SEC14L3: variants seen among roughly 807,000 people sequenced by gnomAD.
The protein encoded by SEC14L3 is SEC14-like protein 3.
Under a neutral mutation model 57.4 loss-of-function variants are expected in SEC14L3, and 56 were observed. The ratio of observed to expected loss-of-function variants is 0.97; its 90% CI spans 0.79 to 1.22. The LOEUF (loss-of-function observed/expected upper bound fraction) is 1.22. SEC14L3 is among the 50% of genes most tolerant of loss of function. The probability of loss-of-function intolerance (pLI) is 0.00; values close to 1 mark genes in which losing one functional copy is unlikely to be tolerated. For missense variants in SEC14L3, 485 were observed against 511.7 expected, an observed-to-expected ratio of 0.95 and a Z score of 0.50; for synonymous variants, 173 against 194.4, an observed-to-expected ratio of 0.89 and a Z score of 0.92.
rs1935369867 is a variant in SEC14L3, at chr22:30,464,865, G to T, written c.619C>A (p.Pro207Thr). The T allele has an allele frequency of 6.2e-7, 1 of 1,613,926 alleles. No homozygotes were observed. The highest frequency in any genetic ancestry group is 1.7e-5 in the Admixed American group (1 of 60,014). Residue 207 changes from proline (P) to threonine (T), a missense_variant, in exon 8 of 12, where the codon CCA (proline) becomes ACA (threonine). Physicochemically the swap from Pro to Thr is conservative, Grantham distance 38. Coordinates refer to ENST00000215812, the MANE Select transcript of SEC14L3 (RefSeq NM_174975.5). The part of the protein sequence containing the change: ...LFPVGYNLMK[P>T]FLSEDTRRKI... Reference sequence around the variant, plus strand: ...CTGCGAGTGTCCTCACTCAGGAATGGCTTCATGAGGTTGTAGCCCACAGGG... The same window carrying T: ...CTGCGAGTGTCCTCACTCAGGAATGTCTTCATGAGGTTGTAGCCCACAGGG...
At chr22:30,458,405 G>A (rs1182514505), downstream of SEC14L3, among the ~76,000 whole-genome samples, 2 of 152,180 alleles carry the variant, frequency 1.3e-5, no homozygotes, top group African/African-American at 4.8e-5. Context: ...AGTATTGTGG[G>A]TCTCTATGGC....
intron 9 of SEC14L3, 37 bp downstream of exon 9, chr22:30,462,049 T>C (rs1935284361): frequency 1.9e-6 from 3 of 1,599,900 alleles, no homozygotes; most frequent in African/African-American, 2.7e-5. Context: ...AGCTTAATTC[T>C]TGAACCTCTC....
chr22:30,449,102 G>T, exon 13 of SEC14L3: 1 of 1,550,596 alleles, frequency 6.4e-7, no homozygotes, highest in Non-Finnish European at 8.7e-7. Flanking sequence ...TACTGGCAGG[G>T]AGGGGTAAAG....
intron 9 of SEC14L3, 113 bp from the exon 10 acceptor site, chr22:30,461,807 A>G: frequency 1.4e-6 from 2 of 1,414,004 alleles, no homozygotes; most frequent in Non-Finnish European, 1.9e-6. Context: ...TCCTAGCCCC[A>G]CTCTCCCACC....
chr22:30,466,971 C>T lies in SEC14L3; in HGVS notation c.519+11G>A. 1 of 1,612,270 alleles carries T rather than the reference C, an allele frequency of 6.2e-7. No individual in the cohort carries two copies. The highest frequency in any genetic ancestry group is 1.3e-5 in the African/African-American group (1 of 74,988). On this transcript the variant is annotated intron_variant, in intron 6 of 11. Transcript: ENST00000215812. ...AAGCAAGCGGGGGGTGGCCCTAGGACTTCTCCTTACCTCCTGGTACACTTC... is the reference window on the plus strand; with the variant it reads ...AAGCAAGCGGGGGGTGGCCCTAGGATTTCTCCTTACCTCCTGGTACACTTC...
intron 11 of SEC14L3, among the ~76,000 whole-genome samples, chr22:30,461,104 A>C (rs1935240699): frequency 6.6e-6 from 1 of 152,184 alleles, no homozygotes; most frequent in Admixed American, 6.5e-5. Context: ...CAATTCCTTC[A>C]GGGCCTGTAT....
rs1341157730 is a variant in SEC14L3, at chr22:30,464,893, C to T, written c.591G>A (p.Leu197=). 2.5e-6 allele frequency: 4 copies of T among 1,613,818 alleles called. No individual in the cohort carries two copies. Among genetic ancestry groups the T allele is most frequent in the Non-Finnish European group, 3.4e-6 (4 of 1,179,830 alleles). Residue 197 remains leucine (L), a synonymous_variant, in exon 8 of 12, where the codon CTG becomes CTA. Coordinates refer to ENST00000215812, the MANE Select transcript of SEC14L3 (RefSeq NM_174975.5). The stretch of plus-strand genomic sequence containing the variant: ...TCATGAGGTTGTAGCCCACAGGGAA[C>T]AGTTTGGTAGCTGGAGAGATAGAAG... ...KFMLIVKATK[L]FPVGYNLMKP...
intron 9 of SEC14L3, 100 bp downstream of exon 9, chr22:30,461,986 T>C: frequency 7.8e-7 from 1 of 1,284,668 alleles, no homozygotes; most frequent in Admixed American, 2.0e-5. Context: ...ACCCAGTTCT[T>C]GGCATCTCTC....
At chr22:30,466,276 C>T (rs1935412251) in intron 7 of SEC14L3, 58 bp downstream of exon 7, 9 of 1,510,982 alleles carry the variant, frequency 6.0e-6, no homozygotes, top group Admixed American at 5.2e-5. Context: ...GTGTTATCAC[C>T]CTCAGCGTAC....
chr22:30,470,640 C>T, intron 1 of SEC14L3, 58 bp from the exon 2 acceptor site: 3 of 1,610,884 alleles, frequency 1.9e-6, no homozygotes, highest in East Asian at 2.2e-5. Context: ...GGCCTCCAGA[C>T]TCAAAGACTG....
intron 2 of SEC14L3, 105 bp downstream of exon 2, chr22:30,470,402 A>T (rs1935567123): frequency 1.2e-6 from 2 of 1,601,748 alleles, no homozygotes. Context: ...ATGTGAAGCA[A>T]GATTGTGTGG....
intron 1 of SEC14L3, 40 bp from the exon 2 acceptor site, chr22:30,470,622 T>C (rs1363047518): frequency 7.4e-6 from 12 of 1,613,778 alleles, no homozygotes; most frequent in Non-Finnish European, 1.0e-5. Context: ...TCTCTCACAT[T>C]GAGCCTTGGC....
chr22:30,467,759 G>A (rs981232188), intron 5 of SEC14L3, among the ~76,000 whole-genome samples: 3 of 152,214 alleles, frequency 2.0e-5, no homozygotes, highest in African/African-American at 7.2e-5. Flanking sequence ...GGAATAGCAA[G>A]GGCAAAGAAA....
intron 6 of SEC14L3, among the ~76,000 whole-genome samples, chr22:30,466,722 C>T (rs1267328716): frequency 6.6e-6 from 1 of 152,096 alleles, no homozygotes; most frequent in East Asian, 1.9e-4. Flanking sequence ...ACATTGCTAT[C>T]CCCATTTTGT....
rs761871842 is a variant in SEC14L3, at chr22:30,462,199, G to A, written c.665-7C>T. The A allele has an allele frequency of 3.1e-6, 5 of 1,610,916 alleles. No homozygotes were observed. The African/African-American group carries it at 6.7e-5, about 22-fold the overall frequency. On this transcript the variant is annotated splice_region_variant and splice_polypyrimidine_tract_variant and intron_variant, in intron 8 of 11. Coordinates refer to ENST00000215812, the MANE Select transcript of SEC14L3 (RefSeq NM_174975.5). ...AAACCTTCCTTCCAGTTATCTGGGA[G>A]CAGTGGGATTCAAGGGTGGTTAGCA...
At position 30,462,158 on chromosome 22, in the gene SEC14L3, A is replaced by G. The variant is rs1935289814; in HGVS notation, c.699T>C (p.Ser233=). The G allele has an allele frequency of 6.2e-7, 1 of 1,614,038 alleles. No individual in the cohort carries two copies. The highest frequency in any genetic ancestry group is 8.5e-7 in the Non-Finnish European group (1 of 1,179,998). Residue 233 remains serine (S), a synonymous_variant, in exon 9 of 12, where the codon AGT becomes AGC. Transcript: ENST00000215812. ...NWKEGLLKLI[S]PEELPAQFGG... is the part of the protein sequence containing the mutation. Reference sequence around the variant, plus strand: ...CAAACTGGGCAGGCAGTTCCTCAGGACTGATGAGTTTCAGCAAACCTTCCT... The same window carrying G: ...CAAACTGGGCAGGCAGTTCCTCAGGGCTGATGAGTTTCAGCAAACCTTCCT...
exon 13 of SEC14L3, chr22:30,448,933 C>T: frequency 1.5e-6 from 1 of 657,440 alleles, no homozygotes; most frequent in Non-Finnish European, 2.5e-6. Flanking sequence ...CTTTCCCTTC[C>T]TTGGTCTGCC....
intron 9 of SEC14L3, 99 bp downstream of exon 9, chr22:30,461,987 G>T: frequency 7.8e-7 from 1 of 1,283,062 alleles, no homozygotes; most frequent in Non-Finnish European, 1.1e-6. Flanking sequence ...CCCAGTTCTT[G>T]GCATCTCTCT....
intron 12 of SEC14L3, among the ~76,000 whole-genome samples, chr22:30,451,996 AAAAAAAAAAAAAAG>A (rs1169627860): frequency 1.4e-5 from 2 of 143,470 alleles, no homozygotes; most frequent in East Asian, 2.0e-4. Context: ...CATCTCAAAA[AAAAAAAAAAAAAAG>A]AAAAAAGAAA....
Sources: allele counts gnomAD v4.1 joint callset (sites outside exome capture counted in the v4.1 genomes callset), GRCh38; gene constraint gnomAD v4.1.1; transcripts MANE v1.5; gene names NCBI Gene and HGNC (gene_info 2026-07-23, HGNC 2026-07-21).